Variants in SLC4A4 observed in about 807,000 individuals in gnomAD.
SLC4A4 encodes solute carrier family 4 member 4.
Under a neutral mutation model 111.5 loss-of-function variants are expected in SLC4A4, and 27 were observed. The ratio of observed to expected loss-of-function variants is 0.24; its 90% CI spans 0.18 to 0.33. The LOEUF (loss-of-function observed/expected upper bound fraction) is 0.33, where lower values mean the gene tolerates loss of function less well. SLC4A4 is among the 10% of genes least tolerant of loss of function. The probability of loss-of-function intolerance (pLI) is 1.00; values close to 1 mark genes in which losing one functional copy is unlikely to be tolerated. For missense variants in SLC4A4, 909 were observed against 1,315.5 expected, an observed-to-expected ratio of 0.69 and a Z score of 4.78; for synonymous variants, 443 against 463.4, an observed-to-expected ratio of 0.96 and a Z score of 0.57.
At chr4:71,274,510 G>A (rs1722934388) in intron 3 of SLC4A4, among the ~76,000 whole-genome samples, 1 of 152,208 alleles carries the variant, frequency 6.6e-6, no homozygotes, top group Non-Finnish European at 1.5e-5. Context: ...AGCAGTGGGG[G>A]TCACTAAACA....
chr4:71,127,559 A>G (rs904089424), intron 2 of SLC4A4, among the ~76,000 whole-genome samples: 1 of 152,258 alleles, frequency 6.6e-6, no homozygotes, highest in Admixed American at 6.5e-5. Context: ...ATAAAGATTA[A>G]CAAAAAGTAT....
rs565815606 is a variant in SLC4A4, at chr4:71,207,695, T to G, written c.-2+20294T>G. 9.8e-5 allele frequency among the ~76,000 whole-genome samples: 15 copies of G among 152,370 alleles called. No homozygotes were observed. The East Asian group carries it at 1.7e-3, about 18-fold the overall frequency. On this transcript the variant is annotated intron_variant, in intron 1 of 25. Coordinates refer to ENST00000264485, the MANE Select transcript of SLC4A4 (RefSeq NM_001098484.3). ...ATTACTTCATGGTTTTTCAAGTTAA[T>G]TTGTATTTCTAAGAACTGCATGAAG...
intron 15 of SLC4A4, among the ~76,000 whole-genome samples, chr4:71,492,620 A>G (rs942708505): frequency 6.6e-6 from 1 of 151,986 alleles, no homozygotes; most frequent in African/African-American, 2.4e-5. Flanking sequence ...TGAATGAAGC[A>G]TTGTATGTTC....
At position 71,568,106 on chromosome 4, in the gene SLC4A4, T is replaced by C; in HGVS notation, c.*355T>C. The C allele has an allele frequency of 2.2e-6, 1 of 445,678 alleles. No homozygotes were observed. Among genetic ancestry groups the C allele is most frequent in the South Asian group, 2.8e-5 (1 of 35,398 alleles). 27.6% of individuals were successfully genotyped at this position (445,678 alleles called of 1,614,324 possible). On this transcript the variant is annotated 3_prime_UTR_variant, in exon 26 of 26. Coordinates refer to ENST00000264485, the MANE Select transcript of SLC4A4 (RefSeq NM_001098484.3). The stretch of plus-strand genomic sequence containing the variant: ...ATCTGAGGAATCCCCCTTTTGTTCT[T>C]AAACTTTCAGATGTGTCCTTTGATA...
intron 16 of SLC4A4, among the ~76,000 whole-genome samples, chr4:71,520,236 C>CA (rs1216961085): frequency 6.6e-6 from 1 of 152,196 alleles, no homozygotes; most frequent in Admixed American, 6.5e-5. Flanking sequence ...TCTTGCCATG[C>CA]AAAATGTCTC....
intron 7 of SLC4A4, among the ~76,000 whole-genome samples, chr4:71,428,306 CTA>C (rs745700610): frequency 2.0e-5 from 3 of 152,082 alleles, no homozygotes; most frequent in Non-Finnish European, 4.4e-5. Context: ...TTTTCTAACA[CTA>C]TTATTTTCAG....
chr4:71,190,302 T>C (rs1436277869), intron 1 of SLC4A4, among the ~76,000 whole-genome samples: 2 of 152,032 alleles, frequency 1.3e-5, no homozygotes, highest in African/African-American at 2.4e-5. Context: ...GATGATCTTT[T>C]TATCCTCAGT....
At chr4:71,220,271 A>C (rs1394739476) in intron 1 of SLC4A4, among the ~76,000 whole-genome samples, 1 of 152,244 alleles carries the variant, frequency 6.6e-6, no homozygotes, top group African/African-American at 2.4e-5. Context: ...ATTTTTTAGC[A>C]ATACAGAATT....
At chr4:71,472,015 G>T (rs1727915715) in intron 13 of SLC4A4, among the ~76,000 whole-genome samples, 2 of 151,848 alleles carry the variant, frequency 1.3e-5, no homozygotes, top group African/African-American at 2.4e-5. Context: ...TCCACCTCAT[G>T]TTGGTGGCAC....
rs1198759861 is a variant in SLC4A4 at position 71,443,116 on chromosome 4, C to CTCTCTA, written c.965+2344_965+2345insCTCTAT. 2.7e-3 allele frequency among the ~76,000 whole-genome samples: 175 copies of CTCTCTA among 65,632 alleles called. 2 individuals carry two copies. The highest frequency in any genetic ancestry group is 4.7e-3 in the African/African-American group (54 of 11,512). 43.1% of individuals were successfully genotyped at this position (65,632 alleles called of 152,430 possible). The stretch of plus-strand genomic sequence containing the variant: ...TCTCTCTCTCTCTCTCTCTCTCTCT[C>CTCTCTA]TATATATATATATATATATATATAT... On this transcript the variant is annotated intron_variant, in intron 8 of 25. Coordinates refer to ENST00000264485, the MANE Select transcript of SLC4A4 (RefSeq NM_001098484.3).
At chr4:71,485,030 GC>G (rs1207199282) in intron 14 of SLC4A4, among the ~76,000 whole-genome samples, 4 of 151,844 alleles carry the variant, frequency 2.6e-5, no homozygotes, top group African/African-American at 9.7e-5. Flanking sequence ...AGCTTAAGAA[GC>G]TTTTGGGCTG....
intron 23 of SLC4A4, 96 bp from the exon 24 acceptor site, chr4:71,563,697 G>A: frequency 2.4e-6 from 2 of 823,326 alleles, no homozygotes; most frequent in Non-Finnish European, 2.1e-6. Context: ...TTAGTAGTAT[G>A]TAAATGATTA....
chr4:71,555,031 T>C, intron 20 of SLC4A4, 109 bp from the exon 21 acceptor site: 3 of 803,966 alleles, frequency 3.7e-6, no homozygotes, highest in South Asian at 2.7e-5. Context: ...CACTAAGTTA[T>C]TATATCCTAT....
intron 16 of SLC4A4, among the ~76,000 whole-genome samples, chr4:71,519,644 T>C (rs1732747760): frequency 1.1e-5 from 1 of 90,468 alleles, no homozygotes; most frequent in African/African-American, 2.9e-5. Context: ...ATTAAGAACA[T>C]CATTTTTTTT....
intron 3 of SLC4A4, among the ~76,000 whole-genome samples, chr4:71,288,382 T>C (rs1724079030): frequency 6.6e-6 from 1 of 151,436 alleles, no homozygotes; most frequent in African/African-American, 2.4e-5. Flanking sequence ...AATCAAGGAG[T>C]CAGAGAACAA....
chr4:71,129,579 T>C (rs13282437), intron 2 of SLC4A4, among the ~76,000 whole-genome samples: 18 of 152,230 alleles, frequency 1.2e-4, no homozygotes, highest in Admixed American at 8.5e-4. Flanking sequence ...GAACTCAAAA[T>C]GGCATTACCA....
chr4:71,477,653 A>T (rs1203128476), intron 14 of SLC4A4, among the ~76,000 whole-genome samples: 1 of 151,854 alleles, frequency 6.6e-6, no homozygotes, highest in Non-Finnish European at 1.5e-5. Flanking sequence ...GAGGTGTTCA[A>T]TTCTTCTAAG....
intron 1 of SLC4A4, among the ~76,000 whole-genome samples, chr4:71,221,114 T>C (rs1026117229): frequency 6.6e-6 from 1 of 152,226 alleles, no homozygotes; most frequent in Non-Finnish European, 1.5e-5. Context: ...TTATCCAGTG[T>C]CATTAACGGG....
intron 2 of SLC4A4, among the ~76,000 whole-genome samples, chr4:71,139,427 A>G (rs1743940806): frequency 1.3e-5 from 2 of 152,154 alleles, no homozygotes; most frequent in African/African-American, 4.8e-5. Flanking sequence ...CTGTTTTCAC[A>G]CTAGAACCCT....
Sources: gnomAD v4.1 joint callset for allele counts (sites outside exome capture counted in the v4.1 genomes callset) on GRCh38, gnomAD v4.1.1 for gene constraint, MANE v1.5 for transcripts, NCBI Gene and HGNC (gene_info 2026-07-23, HGNC 2026-07-21) for gene names.